Variants in HLA-B observed in about 807,000 individuals in gnomAD.
The protein encoded by HLA-B is HLA class I antigen HLA-B.
Under a neutral mutation model 41.5 loss-of-function variants are expected in HLA-B, and 31 were observed. That is an observed-to-expected ratio of 0.75 (90% CI 0.56 to 1.01). HLA-B has a LOEUF of 1.01. Among genes scored for constraint, HLA-B ranks in the 50% least tolerant of loss-of-function variants. The pLI is 0.00. For missense variants in HLA-B, 369 were observed against 457.2 expected, an observed-to-expected ratio of 0.81 and a Z score of 1.76; for synonymous variants, 138 against 189.0, an observed-to-expected ratio of 0.73 and a Z score of 2.21.
Position 31,356,215 on chromosome 6 carries a change from ACTCCACGCACTCGCC to A in HLA-B, c.556_570del (p.Gly186_Glu190del). On this transcript the variant is annotated inframe_deletion, in exon 3 of 8. Transcript: ENST00000412585. The stretch of plus-strand genomic sequence containing the variant: ...CCGTTCTCCAGGTATCTGCGGAGCC[ACTCCACGCACTCGCC>A]CTCCAGGTAGGCTCTCCGCTGCTCC... 3.4e-6 allele frequency: 4 copies of A among 1,173,430 alleles called. No homozygotes were observed. Among genetic ancestry groups the A allele is most frequent in the Non-Finnish European group, 4.5e-6 (4 of 886,256 alleles). The allele number at this position is 1,173,430 out of a possible 1,614,324, so 72.7% of individuals were successfully genotyped here. A position where few individuals can be genotyped will look rare whatever the true frequency, so the allele number is the denominator to read the frequency against.
Position 31,354,163 on chromosome 6 carries a change from T to G in HLA-B, c.*138A>C. 1 of 527,224 alleles carries G rather than the reference T, an allele frequency of 1.9e-6. No individual in the cohort carries two copies. The highest frequency in any genetic ancestry group is 3.7e-6 in the Non-Finnish European group (1 of 271,560). 32.7% of individuals were successfully genotyped at this position (527,224 alleles called of 1,614,324 possible). A position where few individuals can be genotyped will look rare whatever the true frequency, so the allele number is the denominator to read the frequency against. ...AAGGGTGGGCTGTCTCTCCACCTCC[T>G]CACATTATGCTAACAGGGACGCAGA... On this transcript the variant is annotated 3_prime_UTR_variant, in exon 8 of 8. Transcript: ENST00000412585.
In HLA-B at chr6:31,355,600, G is replaced by A. The variant is rs1230819300; in HGVS notation, c.620-8C>T. On this transcript the variant is annotated splice_polypyrimidine_tract_variant and splice_region_variant and intron_variant, in intron 3 of 7. Transcript: ENST00000412585. ...CGTGTGTCTTTGGGGGGTCTGATGGGAAGAGTCAGAAAATTCAGGCGCTTT... is the reference window on the plus strand; with the variant it reads ...CGTGTGTCTTTGGGGGGTCTGATGGAAAGAGTCAGAAAATTCAGGCGCTTT... 8 of 1,355,762 alleles carry A rather than the reference G, an allele frequency of 5.9e-6. No individual in the cohort carries two copies. Among genetic ancestry groups the A allele is most frequent in the Non-Finnish European group, 8.0e-6 (8 of 1,001,496 alleles). 84.0% of individuals were successfully genotyped at this position (1,355,762 alleles called of 1,614,324 possible). A position where few individuals can be genotyped will look rare whatever the true frequency, so the allele number is the denominator to read the frequency against.
At chr6:31,355,025 A>T (rs1033219560) in intron 5 of HLA-B, 82 bp downstream of exon 5, 2 of 456,330 alleles carry the variant, frequency 4.4e-6, no homozygotes, top group South Asian at 2.9e-5. Flanking sequence ...CCCAGTAATG[A>T]GGCAGGGAAC....
In HLA-B at chr6:31,354,623, C is replaced by A. The variant is rs199794512; in HGVS notation, c.1045+10G>T. ...GTGAGCTCCTCCACACTCCCACCCC[C>A]ACCACTTACACGCAGCCTGAGAGTA... is the stretch of plus-strand genomic sequence containing the variant. On this transcript the variant is annotated intron_variant, in intron 6 of 7. Coordinates refer to ENST00000412585, the MANE Select transcript of HLA-B (RefSeq NM_005514.8). 1.4e-6 allele frequency: 2 copies of A among 1,426,680 alleles called. No individual in the cohort carries two copies. The highest frequency in any genetic ancestry group is 2.0e-5 in the African/African-American group (1 of 50,548). 88.4% of individuals were successfully genotyped at this position (1,426,680 alleles called of 1,614,324 possible).
rs41551516 is a variant in HLA-B at position 31,356,786 on chromosome 6, T to G, written c.245A>C (p.Glu82Ala). 7.8e-6 allele frequency: 9 copies of G among 1,152,880 alleles called. 3 individuals are homozygous for G. Among genetic ancestry groups the G allele is most frequent in the Non-Finnish European group, 1.0e-5 (9 of 870,604 alleles). 71.4% of individuals were successfully genotyped at this position (1,152,880 alleles called of 1,614,324 possible). A position where few individuals can be genotyped will look rare whatever the true frequency, so the allele number is the denominator to read the frequency against. ...GATCTGTGTGTTCCGGTCCCAATAC[T>G]CCGGCCCCTCCTGCTCTATCCACGG... Reference protein sequence around the residue: ...RAPWIEQEGPEYWDRNTQIYK... With the variant: ...RAPWIEQEGPAYWDRNTQIYK... Residue 82 changes from glutamate (E) to alanine (A), a missense_variant, in exon 2 of 8, where the codon GAG (glutamate) becomes GCG (alanine). By Grantham distance (107) the Glu-to-Ala change is moderately radical. This residue lies in a region of HLA-B where 113 missense variants were observed against 173.2 expected (regional missense o/e 0.65). Coordinates refer to ENST00000412585, the MANE Select transcript of HLA-B (RefSeq NM_005514.8).
At chr6:31,355,684 C>T in intron 3 of HLA-B, 92 bp from the exon 4 acceptor site, 1 of 1,049,854 alleles carries the variant, frequency 9.5e-7, no homozygotes, top group Non-Finnish European at 1.4e-6. Context: ...ATGGACAGGA[C>T]ACCTGGGGTG....
chr6:31,356,620 CG>C, intron 2 of HLA-B, 67 bp downstream of exon 2: 1 of 1,287,924 alleles, frequency 7.8e-7, no homozygotes, highest in Non-Finnish European at 1.1e-6. Context: ...CCCGGAGACT[CG>C]GGGCGACCCG....
chr6:31,355,697 GA>G, intron 3 of HLA-B, 105 bp from the exon 4 acceptor site: 1 of 983,456 alleles, frequency 1.0e-6, no homozygotes, highest in Non-Finnish European at 1.5e-6. Context: ...CTGGGGTGGG[GA>G]AGGGGCACAG....
At chr6:31,355,056 AC>A (rs41544518) in intron 5 of HLA-B, 50 bp downstream of exon 5, 2 of 645,548 alleles carry the variant, frequency 3.1e-6, no homozygotes, top group Non-Finnish European at 4.5e-6. Context: ...GGGGCTTGAA[AC>A]CCCCAGTGGG....
At position 31,355,853 on chromosome 6, in the gene HLA-B, A is replaced by G. The variant is rs1766904529; in HGVS notation, c.620-261T>C. Reference sequence around the variant, plus strand: ...CAGAAGTGCTGGAATCAGAGCCCCAAACACACTGAGTGTGAGGCAGAGAAC... The same window carrying G: ...CAGAAGTGCTGGAATCAGAGCCCCAGACACACTGAGTGTGAGGCAGAGAAC... On this transcript the variant is annotated intron_variant, in intron 3 of 7. Coordinates refer to ENST00000412585, the MANE Select transcript of HLA-B (RefSeq NM_005514.8). 4.7e-6 allele frequency: 3 copies of G among 643,022 alleles called. No individual in the cohort carries two copies. The East Asian group carries it at 9.7e-5, about 21-fold the overall frequency. The allele number at this position is 643,022 out of a possible 1,614,324, so 39.8% of individuals were successfully genotyped here.
At chr6:31,356,606 C>T (rs1767048495) in intron 2 of HLA-B, 82 bp downstream of exon 2, 4 of 1,172,844 alleles carry the variant, frequency 3.4e-6, no homozygotes, top group African/African-American at 1.8e-5. Flanking sequence ...AGGCGGATCT[C>T]GGACCCGGAG....
At chr6:31,356,561 G>T (rs1767040275) in intron 2 of HLA-B, 119 bp from the exon 3 acceptor site, 2 of 1,105,402 alleles carry the variant, frequency 1.8e-6, no homozygotes, top group African/African-American at 1.9e-5. Context: ...GGCTCTCGCC[G>T]GTCGAGGGTC....
At chr6:31,354,428 A>AAACCCCCCCCCCCCCCC in intron 7 of HLA-B, 51 bp downstream of exon 7, 1 of 153,868 alleles carries the variant, frequency 6.5e-6, no homozygotes, top group Non-Finnish European at 1.1e-5. Flanking sequence ...CCTCTGCCCC[A>AAACCCCCCCCCCCCCCC]CCCACCCCCA....
intron 7 of HLA-B, 51 bp downstream of exon 7, chr6:31,354,428 A>ACCCCCCCCCCCCCCCC: frequency 7.8e-5 from 12 of 153,850 alleles, no homozygotes; most frequent in South Asian, 2.6e-4. Flanking sequence ...CCTCTGCCCC[A>ACCCCCCCCCCCCCCCC]CCCACCCCCA....
In HLA-B at chr6:31,355,108, T is replaced by A. The variant is rs41556216; in HGVS notation, c.1011A>T (p.Ser337=). The A allele has an allele frequency of 2.2e-3, 1,847 of 830,636 alleles. 498 individuals carry two copies. The African/African-American group carries it at 0.057, about 26-fold the overall frequency. 51.5% of individuals were successfully genotyped at this position (830,636 alleles called of 1,614,324 possible). Residue 337 remains serine, a splice_region_variant and synonymous_variant, in exon 5 of 8, where the codon TCA becomes TCT. Coordinates refer to ENST00000412585, the MANE Select transcript of HLA-B (RefSeq NM_005514.8). ...VAAVMCRRKS[S]GGKGGSYSQA... Reference sequence around the variant, plus strand: ...CCCCACCCCTCACCCCTTCCCTACCTGAACTCTTCCTCCTACACATCACAG... The same window carrying A: ...CCCCACCCCTCACCCCTTCCCTACCAGAACTCTTCCTCCTACACATCACAG...
rs756534089 is a variant in HLA-B at position 31,357,127 on chromosome 6, A to G, written c.32T>C (p.Leu11Pro). The G allele has an allele frequency of 1.1e-6, 1 of 891,660 alleles. No individual in the cohort carries two copies. The highest frequency in any genetic ancestry group is 1.4e-6 in the Non-Finnish European group (1 of 690,892). 55.2% of individuals were successfully genotyped at this position (891,660 alleles called of 1,614,324 possible). Residue 11 changes from leucine (L) to proline (P), a missense_variant, in exon 1 of 8, where the codon CTG becomes CCG. By Grantham distance (98) the Leu-to-Pro change is moderately conservative (BLOSUM62 -3). This residue lies in a region of HLA-B where 30 missense variants were observed against 20.9 expected (regional missense o/e 1.44). Transcript: ENST00000412585. Reference protein sequence around the residue: MLVMAPRTVLLLLSAALALTE... With the variant: MLVMAPRTVLPLLSAALALTE... ...CAGGGCCAGGGCCGCCGAGAGCAGC[A>G]GGAGGACGGTTCGGGGCGCCATGAC...
At chr6:31,354,688 G>C in intron 5 of HLA-B, 23 bp from the exon 6 acceptor site, 2 of 1,244,796 alleles carry the variant, frequency 1.6e-6, no homozygotes, top group Non-Finnish European at 2.1e-6. Context: ...AATGTCCTGT[G>C]AGGGCACTGG....
Position 31,354,443 on chromosome 6 carries a change from C to T in HLA-B, c.*4+36G>A, listed in dbSNP as rs2523610. 62,220 of 513,806 alleles carry T rather than the reference C, an allele frequency of 0.12. 7,297 individuals are homozygous for T. Among genetic ancestry groups the T allele is most frequent in the South Asian group, 0.19 (9,313 of 48,184 alleles). The allele number at this position is 513,806 out of a possible 1,614,324, so 31.8% of individuals were successfully genotyped here. A position where few individuals can be genotyped will look rare whatever the true frequency, so the allele number is the denominator to read the frequency against. On this transcript the variant is annotated intron_variant, in intron 7 of 7. Transcript: ENST00000412585. ...CCTCTGCCCCACCCACCCCCAGACCCGCCACCCCACCCACTCTAGACCCCA... is the reference window on the plus strand; with the variant it reads ...CCTCTGCCCCACCCACCCCCAGACCTGCCACCCCACCCACTCTAGACCCCA...
In HLA-B at chr6:31,355,210, C is replaced by T. The variant is rs1140487; in HGVS notation, c.909G>A (p.Gln303=). 45,792 of 1,132,702 alleles carry T rather than the reference C, an allele frequency of 0.04. 6,439 individuals carry two copies. The highest frequency in any genetic ancestry group is 0.078 in the South Asian group (3,524 of 45,096). The allele number at this position is 1,132,702 out of a possible 1,614,324, so 70.2% of individuals were successfully genotyped here. The change falls in exon 5 of 8, where the codon CAG becomes CAA. Residue 303 remains glutamine (Q), a synonymous_variant. Transcript: ENST00000412585. The part of the protein sequence containing the change: ...PLTLRWEPSS[Q]STVPIVGIVA... ...CAATGCCCACGATGGGGACGGTGGA[C>T]TGGGAAGACGGCTCTGGGAAAGGAG... is the stretch of plus-strand genomic sequence containing the variant.
Sources: allele counts gnomAD v4.1 joint callset, GRCh38; gene constraint gnomAD v4.1.1; regional missense constraint gnomAD v4.1.1; transcripts MANE v1.5; gene names NCBI Gene and HGNC (gene_info 2026-07-23, HGNC 2026-07-21).